The following PCDH9 variants were observed in gnomAD, a reference collection of about 807,000 sequenced individuals.
The protein encoded by PCDH9 is protocadherin-9.
A neutral mutation model predicts 70.6 loss-of-function variants in PCDH9; 24 were observed. That is an observed-to-expected ratio of 0.34 (90% CI 0.25 to 0.48). The LOEUF (loss-of-function observed/expected upper bound fraction) is 0.48, where lower values mean the gene tolerates loss of function less well. PCDH9 is among the 20% of genes least tolerant of loss of function. PCDH9 has a pLI of 0.99. For missense variants in PCDH9, 1,281 were observed against 1,503.6 expected (o/e 0.85, Z 2.45); for synonymous variants, 562 against 558.5 (o/e 1.01, Z -0.09).
In PCDH9 at chr13:66,415,916, A is replaced by T. The variant is rs190627855; in HGVS notation, c.3341-110888T>A. 4.8e-3 allele frequency among the ~76,000 whole-genome samples: 734 copies of T among 152,022 alleles called. 5 individuals are homozygous for T. The highest frequency in any genetic ancestry group is 0.017 in the African/African-American group (698 of 41,458). On this transcript the variant is annotated intron_variant, in intron 4 of 4. Coordinates refer to ENST00000377865, the MANE Select transcript of PCDH9 (RefSeq NM_203487.3). Reference sequence around the variant, plus strand: ...ACATAATACTTCCCTTTTTAAAAATAAAAAAAAGGTAGAAAAGACATAGTG... The same window carrying T: ...ACATAATACTTCCCTTTTTAAAAATTAAAAAAAGGTAGAAAAGACATAGTG...
intron 3 of PCDH9, among the ~76,000 whole-genome samples, chr13:66,889,778 T>C (rs773442156): frequency 1.3e-5 from 2 of 152,176 alleles, no homozygotes; most frequent in African/African-American, 2.4e-5. Context: ...TATTGCATTT[T>C]GAGAAAGAGG....
intron 3 of PCDH9, among the ~76,000 whole-genome samples, chr13:66,813,641 T>C (rs1334695556): frequency 6.6e-6 from 1 of 152,208 alleles, no homozygotes; most frequent in Non-Finnish European, 1.5e-5. Context: ...CGTTTGATAA[T>C]GTATTTATTT....
chr13:66,620,669 T>G (rs558631646), intron 4 of PCDH9, among the ~76,000 whole-genome samples: 46 of 152,336 alleles, frequency 3.0e-4, no homozygotes, highest in African/African-American at 1.1e-3. Context: ...TATCTAGTAC[T>G]TTCTCTCCTA....
chr13:67,066,240 T>C (rs913594279), intron 2 of PCDH9, among the ~76,000 whole-genome samples: 3 of 143,170 alleles, frequency 2.1e-5, no homozygotes, highest in African/African-American at 7.6e-5. Flanking sequence ...TTGGGTCAGC[T>C]TTTTTTTTTT....
chr13:66,513,194 G>GTTTT (rs34958236), intron 4 of PCDH9, among the ~76,000 whole-genome samples: 3 of 136,618 alleles, frequency 2.2e-5, no homozygotes, highest in African/African-American at 8.1e-5. Flanking sequence ...AATAACACGT[G>GTTTT]TTTTTTTTTT....
intron 4 of PCDH9, among the ~76,000 whole-genome samples, chr13:66,424,136 C>G (rs1425461062): frequency 6.6e-6 from 1 of 151,814 alleles, no homozygotes; most frequent in Admixed American, 6.6e-5. Context: ...GAAGGGCCTC[C>G]TCAATGAAAA....
At chr13:66,511,044 G>A (rs920362682) in intron 4 of PCDH9, among the ~76,000 whole-genome samples, 3 of 152,044 alleles carry the variant, frequency 2.0e-5, no homozygotes, top group Non-Finnish European at 2.9e-5. Flanking sequence ...ACAAATACAC[G>A]AGATAAATGG....
At chr13:66,652,379 G>A (rs760976969) in intron 3 of PCDH9, among the ~76,000 whole-genome samples, 4 of 151,790 alleles carry the variant, frequency 2.6e-5, no homozygotes, top group African/African-American at 4.8e-5. Flanking sequence ...TCCCATGTAC[G>A]ACAACCACAA....
intron 4 of PCDH9, among the ~76,000 whole-genome samples, chr13:66,348,639 C>T (rs1300391310): frequency 6.6e-6 from 1 of 150,944 alleles, no homozygotes; most frequent in African/African-American, 2.4e-5. Context: ...TAACCTATTG[C>T]CATATTTCTC....
chr13:66,341,776 G>C (rs1956130912), intron 4 of PCDH9, among the ~76,000 whole-genome samples: 1 of 152,254 alleles, frequency 6.6e-6, no homozygotes, highest in Non-Finnish European at 1.5e-5. Flanking sequence ...TATAGCAATG[G>C]GCATAAATCT....
Position 67,228,117 on chromosome 13 carries a change from C to T in PCDH9, c.324G>A (p.Glu108=). 3 of 1,614,164 alleles carry T rather than the reference C, an allele frequency of 1.9e-6. No individual in the cohort carries two copies. Among genetic ancestry groups the T allele is most frequent in the Non-Finnish European group, 1.7e-6 (2 of 1,180,016 alleles). ...TCACCACCTCAAGTTCAAAGAAACA[C>T]TCATTCTCCTCAGCATATGAGGCGC... ...CAGASYAEEN[E]CFFELEVVIL... Residue 108 remains glutamate (E), a synonymous_variant, in exon 2 of 5, where the codon GAG becomes GAA. Coordinates refer to ENST00000377865, the MANE Select transcript of PCDH9 (RefSeq NM_203487.3).
intron 3 of PCDH9, among the ~76,000 whole-genome samples, chr13:66,880,399 G>C (rs1286346398): frequency 2.0e-5 from 3 of 152,160 alleles, no homozygotes; most frequent in African/African-American, 7.2e-5. Context: ...TGAGGGATGA[G>C]ACAAGTGCCT....
chr13:67,056,422 A>G (rs1594450119), intron 2 of PCDH9, among the ~76,000 whole-genome samples: 1 of 152,106 alleles, frequency 6.6e-6, no homozygotes, highest in East Asian at 1.9e-4. Context: ...ATTATTACTT[A>G]TATTCCCCCA....
At chr13:66,880,201 G>C (rs1226281616) in intron 3 of PCDH9, 3 of 152,132 alleles carry the variant, frequency 2.0e-5, no homozygotes, top group Admixed American at 2.0e-4. Flanking sequence ...AACACTGCTT[G>C]GATTCATAGT....
intron 4 of PCDH9, among the ~76,000 whole-genome samples, chr13:66,419,178 A>T (rs1233351259): frequency 6.6e-6 from 1 of 151,018 alleles, no homozygotes; most frequent in Non-Finnish European, 1.5e-5. Context: ...AAAAAGAGGG[A>T]CTCCTCCCTA....
At chr13:66,396,733 C>T (rs999859819) in intron 4 of PCDH9, among the ~76,000 whole-genome samples, 54 of 152,246 alleles carry the variant, frequency 3.5e-4, no homozygotes, top group African/African-American at 1.3e-3. Context: ...CACCCTTATT[C>T]ATATGATGGT....
intron 4 of PCDH9, among the ~76,000 whole-genome samples, chr13:66,469,686 C>T (rs1178477932): frequency 2.6e-5 from 4 of 152,068 alleles, no homozygotes; most frequent in African/African-American, 7.2e-5. Flanking sequence ...GGTGTGATTA[C>T]AGTGCGTGAA....
In PCDH9 at chr13:67,007,192, G is replaced by C. The variant is rs148764517; in HGVS notation, c.3037-103587C>G. The stretch of plus-strand genomic sequence containing the variant: ...AACTTCCAAAACACCAGTGTTTAAG[G>C]GTTGAAATAGCTAAAAATATTTCAG... On this transcript the variant is annotated intron_variant, in intron 2 of 4. Transcript: ENST00000377865. Among the ~76,000 whole-genome samples, 126 of 151,914 alleles carry C rather than the reference G, an allele frequency of 8.3e-4. 1 individual carries two copies. Among genetic ancestry groups the C allele is most frequent in the African/African-American group, 2.9e-3 (121 of 41,444 alleles).
At chr13:66,481,964 AC>A (rs1327370683) in intron 4 of PCDH9, among the ~76,000 whole-genome samples, 22 of 152,104 alleles carry the variant, frequency 1.4e-4, no homozygotes, top group Non-Finnish European at 2.5e-4. Flanking sequence ...ACACACACAC[AC>A]AAAATCAATC....
Sources: gnomAD v4.1 joint callset for allele counts (sites outside exome capture counted in the v4.1 genomes callset) on GRCh38, gnomAD v4.1.1 for gene constraint, MANE v1.5 for transcripts, NCBI Gene and HGNC (gene_info 2026-07-23, HGNC 2026-07-21) for gene names.